Variants in PCDHGA4 observed in about 807,000 individuals in gnomAD.
PCDHGA4 encodes protocadherin gamma-A4.
A neutral mutation model predicts 54.6 loss-of-function variants in PCDHGA4; 38 were observed. The ratio of observed to expected loss-of-function variants is 0.70; its 90% CI spans 0.54 to 0.91. The LOEUF is 0.91. Among genes scored for constraint, PCDHGA4 ranks in the 40% least tolerant of loss-of-function variants. PCDHGA4 has a pLI of 0.00. For synonymous variants in PCDHGA4, 511 were observed against 512.9 expected (o/e 1.00, Z 0.05); for missense variants, 1,298 against 1,220.9 (o/e 1.06, Z -0.94).
intron 1 of PCDHGA4, chr5:141,370,269 G>T: frequency 1.3e-6 from 1 of 783,944 alleles, no homozygotes; most frequent in East Asian, 2.7e-5. Flanking sequence ...TCCTGCAGCG[G>T]AGACACCCAT....
At chr5:141,368,154 C>CTGTAT (rs1765511938) in intron 1 of PCDHGA4, among the ~76,000 whole-genome samples, 3 of 152,024 alleles carry the variant, frequency 2.0e-5, no homozygotes, top group Admixed American at 6.6e-5. Flanking sequence ...CTTTTAAAAC[C>CTGTAT]TTGAGCATCA....
At chr5:141,457,412 C>A (rs2098919309) in intron 1 of PCDHGA4, among the ~76,000 whole-genome samples, 1 of 152,188 alleles carries the variant, frequency 6.6e-6, no homozygotes. Flanking sequence ...TCACATTACC[C>A]ATCCCTTTTT....
In PCDHGA4 at chr5:141,370,640, G is replaced by A. The variant is rs1411940178; in HGVS notation, c.2514+13019G>A. 4.3e-6 allele frequency: 7 copies of A among 1,613,966 alleles called. No homozygotes were observed. In the East Asian group the frequency reaches 1.6e-4, roughly 36 times the overall value. On this transcript the variant is annotated intron_variant, in intron 1 of 3. Transcript: ENST00000571252. The stretch of plus-strand genomic sequence containing the variant: ...TCTTTACCGTGAGCCCCGAAAATGG[G>A]AACTTACTTGTGAGCGACCGTATAG...
intron 1 of PCDHGA4, among the ~76,000 whole-genome samples, chr5:141,484,675 T>C (rs1179759392): frequency 6.6e-6 from 1 of 152,042 alleles, no homozygotes; most frequent in African/African-American, 2.4e-5. Context: ...GGGCCGCAGG[T>C]TGCTAGGGCT....
intron 1 of PCDHGA4, chr5:141,442,535 A>C (rs2098331560): frequency 6.6e-6 from 1 of 152,240 alleles, no homozygotes; most frequent in Non-Finnish European, 1.5e-5. Flanking sequence ...CTCCAAGGTG[A>C]AAAATTCTTG....
rs1193095881 is a variant in PCDHGA4 at position 141,490,273 on chromosome 5, G to T, written c.2515-4534G>T. On this transcript the variant is annotated intron_variant, in intron 1 of 3. Coordinates refer to ENST00000571252, the MANE Select transcript of PCDHGA4 (RefSeq NM_018917.4). This position sits in a 1 kb window ranked among gnomAD's most constrained non-coding sequence, Gnocchi z 5.4. ...TCAAGTGGATGTGGGGGATGTCAAT[G>T]ACAATGCCCCAGAGGTGCTATTGGC... 6.2e-7 allele frequency: 1 copy of T among 1,614,108 alleles called. No homozygotes were observed. The highest frequency in any genetic ancestry group is 8.5e-7 in the Non-Finnish European group (1 of 1,180,052).
At chr5:141,367,381 C>CA (rs1372529981) in intron 1 of PCDHGA4, 2 of 151,950 alleles carry the variant, frequency 1.3e-5, no homozygotes, top group Non-Finnish European at 2.9e-5. Flanking sequence ...ACTAAAAATA[C>CA]AAAAAATTAG....
chr5:141,399,133 G>A (rs1054849184), intron 1 of PCDHGA4: 1 of 1,613,714 alleles, frequency 6.2e-7, no homozygotes, highest in Non-Finnish European at 8.5e-7. Flanking sequence ...TATTCAAGAT[G>A]AAAATGACAA....
At chr5:141,447,642 T>G (rs1275164919) in intron 1 of PCDHGA4, among the ~76,000 whole-genome samples, 2 of 152,166 alleles carry the variant, frequency 1.3e-5, no homozygotes, top group Non-Finnish European at 2.9e-5. Flanking sequence ...TGAATGATGG[T>G]AGAATTTTCC....
intron 1 of PCDHGA4, among the ~76,000 whole-genome samples, chr5:141,456,288 G>A (rs371687260): frequency 1.4e-3 from 217 of 152,226 alleles, no homozygotes; most frequent in Middle Eastern, 6.8e-3. Context: ...GAAAAGGGGC[G>A]TCTAATGGAG....
intron 1 of PCDHGA4, chr5:141,417,624 G>A (rs2096138947): frequency 1.5e-6 from 1 of 672,584 alleles, no homozygotes; most frequent in Non-Finnish European, 2.4e-6. Flanking sequence ...CAGAGCAAGC[G>A]CTGACGCCGG....
Position 141,357,501 on chromosome 5 carries a change from C to G in PCDHGA4, c.2394C>G (p.His798Gln). The change falls in exon 1 of 4, where the codon CAC becomes CAG. Residue 798 changes from histidine (H) to glutamine (Q), a missense_variant. By Grantham distance (24) the His-to-Gln change is conservative. Transcript: ENST00000571252. Reference protein sequence around the residue: ...VSLTADSRKSHLIFSQPSYAD... With the variant: ...VSLTADSRKSQLIFSQPSYAD... ...TCACCGCGGACTCGCGGAAGAGTCA[C>G]CTGATCTTCTCCCAACCCAGCTATG... 6.2e-7 allele frequency: 1 copy of G among 1,614,254 alleles called. No homozygotes were observed. Among genetic ancestry groups the G allele is most frequent in the South Asian group, 1.1e-5 (1 of 91,086 alleles).
intron 1 of PCDHGA4, among the ~76,000 whole-genome samples, chr5:141,461,314 T>A (rs1453512629): frequency 6.6e-6 from 1 of 152,198 alleles, no homozygotes; most frequent in Non-Finnish European, 1.5e-5. Context: ...TTTTTTGACT[T>A]TTTAATAATG....
intron 1 of PCDHGA4, chr5:141,393,333 C>G: frequency 6.3e-7 from 1 of 1,582,250 alleles, no homozygotes; most frequent in Non-Finnish European, 8.6e-7. Context: ...CCAGCTCAGC[C>G]CCAATCACCA....
chr5:141,409,177 T>A (rs1272833119), intron 1 of PCDHGA4: 1 of 1,613,944 alleles, frequency 6.2e-7, no homozygotes, highest in Non-Finnish European at 8.5e-7. Context: ...AGGACGGAGG[T>A]GGTCTCTCTA....
chr5:141,474,403 C>G (rs553745731), intron 1 of PCDHGA4, among the ~76,000 whole-genome samples: 6 of 152,166 alleles, frequency 3.9e-5, no homozygotes, highest in Non-Finnish European at 5.9e-5. Context: ...ACAAGCTCCC[C>G]GGTGATGCCT....
intron 1 of PCDHGA4, among the ~76,000 whole-genome samples, chr5:141,402,165 T>A (rs1200714000): frequency 6.6e-6 from 1 of 152,164 alleles, no homozygotes; most frequent in Non-Finnish European, 1.5e-5. Context: ...GGCGAGAACA[T>A]CTGTAACTAT....
At chr5:141,371,542 T>A in intron 1 of PCDHGA4, 1 of 1,613,786 alleles carries the variant, frequency 6.2e-7, no homozygotes, top group Non-Finnish European at 8.5e-7. Flanking sequence ...GGAGAAATCC[T>A]ATGCCAACTA....
intron 2 of PCDHGA4, among the ~76,000 whole-genome samples, chr5:141,504,793 C>A (rs1256626821): frequency 9.9e-5 from 15 of 152,166 alleles, no homozygotes; most frequent in Admixed American, 3.9e-4. Context: ...GGGCCTCCTA[C>A]ATCTCCCCCT....
Sources: gnomAD v4.1 joint callset for allele counts (sites outside exome capture counted in the v4.1 genomes callset) on GRCh38, gnomAD v4.1.1 for gene constraint, Gnocchi (gnomAD v3.1) non-coding constraint, MANE v1.5 for transcripts, NCBI Gene and HGNC (gene_info 2026-07-23, HGNC 2026-07-21) for gene names.